The following MIS18BP1 variants were observed in gnomAD, a reference collection of about 807,000 sequenced individuals.
MIS18BP1 encodes MIS18 binding protein 1.
In MIS18BP1, 72 loss-of-function variants were observed where a neutral mutation model predicts 116.1. That is an observed-to-expected ratio of 0.62 (90% confidence interval 0.51 to 0.75). The LOEUF (loss-of-function observed/expected upper bound fraction) is 0.75. MIS18BP1 is among the 30% of genes least tolerant of loss of function. MIS18BP1 has a pLI of 0.00. For missense variants in MIS18BP1, 1,363 were observed against 1,303.2 expected (o/e 1.05, Z -0.71); for synonymous variants, 386 against 427.0 (o/e 0.90, Z 1.18).
At chr14:45,210,894 C>T (rs987227871) in intron 13 of MIS18BP1, among the ~76,000 whole-genome samples, 2 of 152,192 alleles carry the variant, frequency 1.3e-5, no homozygotes, top group Non-Finnish European at 2.9e-5. Flanking sequence ...GGGGGGATAA[C>T]AGTGCCCAAA....
At chr14:45,248,621 T>G (rs374687863) in intron 1 of MIS18BP1, among the ~76,000 whole-genome samples, 3 of 151,778 alleles carry the variant, frequency 2.0e-5, no homozygotes, top group South Asian at 2.1e-4. Flanking sequence ...CCAAAAAATA[T>G]CAAGTATCTT....
intron 5 of MIS18BP1, among the ~76,000 whole-genome samples, chr14:45,237,389 C>CA (rs1205853022): frequency 1.3e-5 from 2 of 152,056 alleles, no homozygotes; most frequent in African/African-American, 4.8e-5. Flanking sequence ...CACTTATTAG[C>CA]ACCTCAGAAA....
rs937822840 is a variant in MIS18BP1 at position 45,204,074 on chromosome 14, G to A, written c.*35C>T. The A allele has an allele frequency of 3.8e-6, 6 of 1,598,378 alleles. No individual in the cohort carries two copies. The highest frequency in any genetic ancestry group is 5.1e-6 in the Non-Finnish European group (6 of 1,173,994). ...AAAATACAAACACTGTCTGCTTTATGGTAAAAATCCCAGGAATCATATTTT... is the reference window on the plus strand; with the variant it reads ...AAAATACAAACACTGTCTGCTTTATAGTAAAAATCCCAGGAATCATATTTT... On this transcript the variant is annotated 3_prime_UTR_variant, in exon 17 of 17. Transcript: ENST00000310806.
intron 13 of MIS18BP1, among the ~76,000 whole-genome samples, chr14:45,213,292 C>G (rs1385904477): frequency 6.6e-6 from 1 of 152,162 alleles, no homozygotes; most frequent in East Asian, 1.9e-4. Flanking sequence ...TCATCCTACA[C>G]TGTATAGGTC....
intron 15 of MIS18BP1, 84 bp downstream of exon 15, chr14:45,205,999 C>T: frequency 1.2e-6 from 1 of 831,656 alleles, no homozygotes; most frequent in Non-Finnish European, 1.9e-6. Flanking sequence ...GGGACAGGGA[C>T]TGTTACATGA....
At chr14:45,230,677 T>C (rs954155448) in intron 8 of MIS18BP1, among the ~76,000 whole-genome samples, 3 of 152,184 alleles carry the variant, frequency 2.0e-5, no homozygotes, top group Non-Finnish European at 4.4e-5. Context: ...TGGAGTGTTG[T>C]AGCACAAACA....
intron 1 of MIS18BP1, among the ~76,000 whole-genome samples, chr14:45,248,112 C>CT (rs1382768340): frequency 7.0e-6 from 1 of 142,824 alleles, no homozygotes; most frequent in Non-Finnish European, 1.5e-5. Context: ...GTTGCCCAGG[C>CT]TGGAGTGCAG....
rs543848725 is a variant in MIS18BP1, at chr14:45,218,768, G to A, written c.2670-314C>T. On this transcript the variant is annotated intron_variant, in intron 11 of 16. Transcript: ENST00000310806. ...TCTAAGTCCAACTAATCGATGATAC[G>A]GTTTTTTAGGAGATTTTGGCATGAC... is the stretch of plus-strand genomic sequence containing the variant. 2.0e-5 allele frequency among the ~76,000 whole-genome samples: 3 copies of A among 151,386 alleles called. 1 individual carries two copies. The highest frequency in any genetic ancestry group is 4.9e-5 in the African/African-American group (2 of 41,232).
intron 2 of MIS18BP1, among the ~76,000 whole-genome samples, chr14:45,245,245 A>G (rs528225220): frequency 6.6e-6 from 1 of 152,316 alleles, no homozygotes; most frequent in South Asian, 2.1e-4. Context: ...AATTAGGAGC[A>G]TTAGACAGCT....
At chr14:45,216,203 A>T (rs1177076320) in intron 13 of MIS18BP1, among the ~76,000 whole-genome samples, 2 of 152,186 alleles carry the variant, frequency 1.3e-5, no homozygotes, top group African/African-American at 2.4e-5. Context: ...ATTTCTTAGG[A>T]TAAACTCTCA....
chr14:45,227,839 C>A, intron 8 of MIS18BP1, 25 bp from the exon 9 acceptor site: 1 of 1,604,326 alleles, frequency 6.2e-7, no homozygotes, highest in South Asian at 1.1e-5. Flanking sequence ...ATGGAGATTT[C>A]AATAAATGGT....
Position 45,247,074 on chromosome 14 carries a change from A to G in MIS18BP1, c.213T>C (p.Asn71=). ...NQFLKMTTFN[N]KNIFQSTMLT... ...GCATAGTTGATTGAAATATATTTTT[A>G]TTGTTAAAAGTTGTCATTTTTAGGA... The change falls in exon 2 of 17, where the codon AAT becomes AAC. Residue 71 remains asparagine, a synonymous_variant. Coordinates refer to ENST00000310806, the MANE Select transcript of MIS18BP1 (RefSeq NM_018353.5). The G allele has an allele frequency of 6.2e-7, 1 of 1,612,724 alleles. No homozygotes were observed. The highest frequency in any genetic ancestry group is 8.5e-7 in the Non-Finnish European group (1 of 1,179,626).
chr14:45,230,993 T>C (rs530605979), intron 8 of MIS18BP1, 148 bp downstream of exon 8: 98 of 670,334 alleles, frequency 1.5e-4, no homozygotes, highest in East Asian at 1.3e-3. Context: ...TCTCATATAG[T>C]AGTGAAGAAG....
rs139246663 is a variant in MIS18BP1, at chr14:45,227,790, T to G, written c.1619A>C (p.Glu540Ala). 428 of 1,613,940 alleles carry G rather than the reference T, an allele frequency of 2.7e-4. No homozygotes were observed. The highest frequency in any genetic ancestry group is 3.5e-4 in the Non-Finnish European group (416 of 1,179,944). Residue 540 changes from glutamate to alanine, a missense_variant, in exon 9 of 17, where the codon GAG (glutamate) becomes GCG (alanine). Coordinates refer to ENST00000310806, the MANE Select transcript of MIS18BP1 (RefSeq NM_018353.5). ...GTTTAATTCTGTAGCTCCTGGTGAC[T>G]CACTGTGCTTATTACTCTTCAGTTC... is the stretch of plus-strand genomic sequence containing the variant. ...NLELKSNKHS[E>A]SPGATELNMC...
chr14:45,216,311 G>A (rs1223364607), intron 13 of MIS18BP1, among the ~76,000 whole-genome samples: 1 of 152,080 alleles, frequency 6.6e-6, no homozygotes, highest in African/African-American at 2.4e-5. Flanking sequence ...ATGTATGACT[G>A]TATCAGTATC....
intron 8 of MIS18BP1, among the ~76,000 whole-genome samples, chr14:45,228,610 G>T (rs1482920525): frequency 6.6e-6 from 1 of 152,120 alleles, no homozygotes; most frequent in Non-Finnish European, 1.5e-5. Context: ...CAGTTACTAA[G>T]CTGGAATTCT....
intron 13 of MIS18BP1, among the ~76,000 whole-genome samples, chr14:45,215,900 T>C (rs1890804711): frequency 6.6e-6 from 1 of 151,630 alleles, no homozygotes; most frequent in East Asian, 1.9e-4. Flanking sequence ...GAGACGAGCT[T>C]TCACCGTGTT....
intron 3 of MIS18BP1, 25 bp from the exon 4 acceptor site, chr14:45,242,543 A>C: frequency 1.3e-6 from 2 of 1,551,024 alleles, no homozygotes; most frequent in East Asian, 4.5e-5. Flanking sequence ...AAACAAAACA[A>C]AACAAAACAA....
intron 11 of MIS18BP1, among the ~76,000 whole-genome samples, chr14:45,219,153 C>G (rs1357983769): frequency 6.6e-6 from 1 of 152,160 alleles, no homozygotes; most frequent in Non-Finnish European, 1.5e-5. Context: ...CTATGTAACT[C>G]ATCAATTAGC....
Sources: gnomAD v4.1 joint callset for allele counts (sites outside exome capture counted in the v4.1 genomes callset) on GRCh38, gnomAD v4.1.1 for gene constraint, MANE v1.5 for transcripts, NCBI Gene and HGNC (gene_info 2026-07-23, HGNC 2026-07-21) for gene names.